RSBN1: variants seen among roughly 807,000 people sequenced by gnomAD.
The protein encoded by RSBN1 is round spermatid basic protein 1.
RSBN1 carries 23 observed loss-of-function variants against 74.8 expected under a neutral mutation model. That is an observed-to-expected ratio of 0.31 (90% CI 0.22 to 0.44). RSBN1 has a LOEUF of 0.44. Among genes scored for constraint, RSBN1 ranks in the 20% least tolerant of loss-of-function variants. The pLI is 1.00. For synonymous variants in RSBN1, 407 were observed against 379.6 expected (o/e 1.07, Z -0.84); for missense variants, 808 against 1,020.9 (o/e 0.79, Z 2.84).
rs1182599240 is a variant in RSBN1, at chr1:113,797,463, A to G, written c.1277T>C (p.Leu426Ser). 6.2e-7 allele frequency: 1 copy of G among 1,613,996 alleles called. No individual in the cohort carries two copies. The highest frequency in any genetic ancestry group is 8.5e-7 in the Non-Finnish European group (1 of 1,179,990). Residue 426 changes from leucine to serine, a missense_variant, in exon 2 of 7, where the codon TTG (leucine) becomes TCG (serine). Physicochemically the swap from Leu to Ser is moderately radical, Grantham distance 145. Transcript: ENST00000261441. The part of the protein sequence containing the change: ...HGAAAYLPDF[L>S]DYFAFNFPNT... ...GGGGAAATTAAAAGCAAAGTAGTCC[A>G]AGAAGTCTGGGAGATAAGCAGCCGC...
At chr1:113,799,291 C>T (rs1263299963) in intron 1 of RSBN1, among the ~76,000 whole-genome samples, 8 of 152,070 alleles carry the variant, frequency 5.3e-5, no homozygotes, top group African/African-American at 1.9e-4. Flanking sequence ...TATACTCCTG[C>T]CTCTACCTCC....
intron 2 of RSBN1, among the ~76,000 whole-genome samples, chr1:113,788,132 G>A (rs1207935001): frequency 6.6e-6 from 1 of 151,964 alleles, no homozygotes; most frequent in African/African-American, 2.4e-5. Context: ...CATTACAGCT[G>A]ACATTAATCA....
chr1:113,786,464 A>G (rs1038870152), intron 2 of RSBN1, among the ~76,000 whole-genome samples: 5 of 152,174 alleles, frequency 3.3e-5, no homozygotes, highest in African/African-American at 1.2e-4. Context: ...GCTTAAATGT[A>G]ATAACACGTG....
intron 4 of RSBN1, among the ~76,000 whole-genome samples, chr1:113,772,701 T>C (rs1018346724): frequency 1.3e-5 from 2 of 152,220 alleles, no homozygotes; most frequent in African/African-American, 4.8e-5. Context: ...ATTTACATTT[T>C]GATTCATTCA....
intron 4 of RSBN1, among the ~76,000 whole-genome samples, chr1:113,773,036 A>G (rs1412467245): frequency 6.6e-6 from 1 of 152,178 alleles, no homozygotes. Context: ...TCTGTAAGTA[A>G]AGAAAAAAAC....
At chr1:113,791,273 T>C (rs1239818582) in intron 2 of RSBN1, among the ~76,000 whole-genome samples, 3 of 152,202 alleles carry the variant, frequency 2.0e-5, no homozygotes, top group South Asian at 2.1e-4. Flanking sequence ...ATTCTCTTTA[T>C]AATATCTATA....
In RSBN1 at chr1:113,777,734, A is replaced by G; in HGVS notation, c.1452T>C (p.Asp484=). 1 of 1,612,344 alleles carries G rather than the reference A, an allele frequency of 6.2e-7. No homozygotes were observed. The highest frequency in any genetic ancestry group is 8.5e-7 in the Non-Finnish European group (1 of 1,178,720). The change falls in exon 3 of 7, where the codon GAT becomes GAC. Residue 484 remains aspartate, a synonymous_variant. Transcript: ENST00000261441. The part of the protein sequence containing the change: ...MRQISLVGAV[D]EEVGDYFPEF... ...CTGGGAAATAATCACCAACTTCTTC[A>G]TCTACTGCTCCAACGAGACTTATCT...
chr1:113,794,458 T>C (rs750497936), intron 2 of RSBN1, among the ~76,000 whole-genome samples: 20 of 152,220 alleles, frequency 1.3e-4, no homozygotes, highest in Non-Finnish European at 1.5e-5. Flanking sequence ...ATCCTAATCA[T>C]GTCTCTCTCT....
intron 2 of RSBN1, among the ~76,000 whole-genome samples, chr1:113,781,757 T>TA (rs1426260892): frequency 6.6e-6 from 1 of 152,190 alleles, no homozygotes; most frequent in Non-Finnish European, 1.5e-5. Context: ...TCTCAGGTCC[T>TA]AAATCAGGAA....
rs192930785 is a variant in RSBN1 at position 113,794,914 on chromosome 1, A to G, written c.1377+2449T>C. ...TGAAATATAGTCACGAATAATTATT[A>G]TGGCTACATATTTAAACTATAAATA... On this transcript the variant is annotated intron_variant, in intron 2 of 6. Coordinates refer to ENST00000261441, the MANE Select transcript of RSBN1 (RefSeq NM_018364.5). 5.3e-3 allele frequency among the ~76,000 whole-genome samples: 813 copies of G among 152,344 alleles called. 3 individuals are homozygous for G. Among genetic ancestry groups the G allele is most frequent in the Non-Finnish European group, 8.0e-3 (544 of 68,028 alleles).
intron 1 of RSBN1, among the ~76,000 whole-genome samples, chr1:113,805,474 C>A (rs1660682870): frequency 6.6e-6 from 1 of 152,048 alleles, no homozygotes; most frequent in Non-Finnish European, 1.5e-5. Context: ...AAGCTTATTC[C>A]CTATAAGAAA....
chr1:113,797,259 T>C (rs1660490264), intron 2 of RSBN1, 104 bp downstream of exon 2: 10 of 920,782 alleles, frequency 1.1e-5, no homozygotes, highest in Non-Finnish European at 1.5e-5. Flanking sequence ...TTTATTACCA[T>C]AAATTTGTTA....
intron 2 of RSBN1, among the ~76,000 whole-genome samples, chr1:113,786,274 T>C (rs1002909857): frequency 7.9e-5 from 12 of 152,220 alleles, no homozygotes; most frequent in African/African-American, 2.9e-4. Flanking sequence ...CAGGTTTCAC[T>C]GTTTTGGACA....
chr1:113,797,987 CAAG>C lies in RSBN1; in HGVS notation c.750_752del (p.Leu251del). ...TTTTCTTTTTCTTCTTTATTTTCTT[CAAG>C]ACAAAATCATCGGCTCTCTGGGTTT... On this transcript the variant is annotated inframe_deletion, in exon 2 of 7. Transcript: ENST00000261441. The C allele has an allele frequency of 1.2e-6, 2 of 1,611,732 alleles. No homozygotes were observed. The highest frequency in any genetic ancestry group is 8.5e-7 in the Non-Finnish European group (1 of 1,179,550).
At chr1:113,774,989 A>G (rs1659992600) in intron 4 of RSBN1, among the ~76,000 whole-genome samples, 1 of 152,098 alleles carries the variant, frequency 6.6e-6, no homozygotes, top group Non-Finnish European at 1.5e-5. Flanking sequence ...ATGGCTATAT[A>G]TAATTTGAAA....
Position 113,812,279 on chromosome 1 carries a change from A to G in RSBN1, c.134T>C (p.Phe45Ser). Reference sequence around the variant, plus strand: ...GACCTGCGCAGCCATTTCACCCACAAACACACATTTAAATGGCCCGACCGC... The same window carrying G: ...GACCTGCGCAGCCATTTCACCCACAGACACACATTTAAATGGCCCGACCGC... ...GGAVGPFKCV[F>S]VGEMAAQVGA... Residue 45 changes from phenylalanine to serine, a missense_variant, in exon 1 of 7, where the codon TTT becomes TCT. Transcript: ENST00000261441. 6.2e-7 allele frequency: 1 copy of G among 1,605,272 alleles called. No individual in the cohort carries two copies. Among genetic ancestry groups the G allele is most frequent in the Non-Finnish European group, 8.5e-7 (1 of 1,179,792 alleles).
chr1:113,774,546 G>A (rs1245305496), intron 4 of RSBN1, among the ~76,000 whole-genome samples: 5 of 152,012 alleles, frequency 3.3e-5, no homozygotes, highest in Non-Finnish European at 5.9e-5. Flanking sequence ...GCATCATAGC[G>A]GGAGGCTGTA....
At position 113,766,236 on chromosome 1, in the gene RSBN1, G is replaced by A; in HGVS notation, c.2153C>T (p.Ser718Phe). The A allele has an allele frequency of 6.2e-7, 1 of 1,614,068 alleles. No individual in the cohort carries two copies. Among genetic ancestry groups the A allele is most frequent in the Non-Finnish European group, 8.5e-7 (1 of 1,179,960 alleles). The change falls in exon 7 of 7, where the codon TCT becomes TTT. Residue 718 changes from serine to phenylalanine, a missense_variant. Around this residue, in one of 6 missense-constraint regions of RSBN1, gnomAD observed 91 missense variants for 99.6 expected, o/e 0.91. Coordinates refer to ENST00000261441, the MANE Select transcript of RSBN1 (RefSeq NM_018364.5). ...VEATQNTESN[S>F]NMDCGLTGKR... ...TCCAGTTAAACCACAGTCCATGTTA[G>A]AATTGCTTTCTGTGTTTTGAGTGGC...
At chr1:113,780,925 T>C (rs1660127183) in intron 2 of RSBN1, among the ~76,000 whole-genome samples, 1 of 152,210 alleles carries the variant, frequency 6.6e-6, no homozygotes, top group Non-Finnish European at 1.5e-5. Flanking sequence ...TACATGAAAT[T>C]AGACCTCTAG....
Sources: gnomAD v4.1 joint callset for allele counts (sites outside exome capture counted in the v4.1 genomes callset) on GRCh38, gnomAD v4.1.1 for gene constraint, gnomAD v4.1.1 regional missense constraint, MANE v1.5 for transcripts, NCBI Gene and HGNC (gene_info 2026-07-23, HGNC 2026-07-21) for gene names.